Variants in TBCE observed in about 807,000 individuals in gnomAD.
TBCE encodes tubulin-specific chaperone E.
In TBCE, 53 loss-of-function variants were observed where a neutral mutation model predicts 77.0. The ratio of observed to expected loss-of-function variants is 0.69; its 90% CI spans 0.55 to 0.87. The LOEUF is 0.87. Among genes scored for constraint, TBCE ranks in the 40% least tolerant of loss-of-function variants. The pLI is 0.00. For synonymous variants in TBCE, 235 were observed against 241.3 expected (o/e 0.97, Z 0.24); for missense variants, 624 against 622.4 (o/e 1.00, Z -0.03).
rs190888786 is a variant in TBCE at position 235,407,482 on chromosome 1, A to T, written c.185+5895A>T. ...TTGGAGAGCTGGCTAGCAAGCTCTG[A>T]TTGGTGAGTGACAGTGGTGGGTAAG... On this transcript the variant is annotated intron_variant, in intron 3 of 16. Coordinates refer to ENST00000642610, the MANE Select transcript of TBCE (RefSeq NM_003193.5). 9.9e-5 allele frequency among the ~76,000 whole-genome samples: 15 copies of T among 152,272 alleles called. No homozygotes were observed. The East Asian group carries it at 2.7e-3, about 27-fold the overall frequency.
At chr1:235,398,617 G>A (rs1481456979) in intron 2 of TBCE, among the ~76,000 whole-genome samples, 2 of 141,642 alleles carry the variant, frequency 1.4e-5, no homozygotes, top group Non-Finnish European at 3.1e-5. Flanking sequence ...TATTTGTGGT[G>A]TTTTCTTTTT....
Position 235,438,859 on chromosome 1 carries a change from G to C in TBCE, c.1207G>C (p.Glu403Gln). Residue 403 changes from glutamate to glutamine, a missense_variant, in exon 13 of 17, where the codon GAA becomes CAA. Glu to Gln is a conservative substitution (Grantham distance 29, BLOSUM62 2). Coordinates refer to ENST00000642610, the MANE Select transcript of TBCE (RefSeq NM_003193.5). ...WKQAGGHKDP[E>Q]KNRLSEEFLT... ...ACAGGCTGGTGGACATAAGGATCCG[G>C]AAAAAAACAGACTCAGCGAAGAATT... 1 of 1,614,030 alleles carries C rather than the reference G, an allele frequency of 6.2e-7. No individual in the cohort carries two copies. Among genetic ancestry groups the C allele is most frequent in the Non-Finnish European group, 8.5e-7 (1 of 1,180,018 alleles).
intron 3 of TBCE, among the ~76,000 whole-genome samples, chr1:235,410,851 G>A (rs747038127): frequency 1.6e-4 from 25 of 152,198 alleles, no homozygotes; most frequent in Non-Finnish European, 3.1e-4. Context: ...GAGGAGCTCA[G>A]TTCGAAAGCG....
intron 2 of TBCE, among the ~76,000 whole-genome samples, chr1:235,384,059 A>G (rs1447858288): frequency 6.6e-6 from 1 of 150,886 alleles, no homozygotes; most frequent in African/African-American, 2.4e-5. Flanking sequence ...CCTTTTCTGC[A>G]TCTATTGAGA....
chr1:235,374,342 T>C (rs1032031208), intron 1 of TBCE, among the ~76,000 whole-genome samples: 1 of 145,722 alleles, frequency 6.9e-6, no homozygotes, highest in African/African-American at 2.7e-5. Flanking sequence ...GTTCTAGATA[T>C]CGCAATTTAA....
At chr1:235,422,371 G>A (rs1680443000) in intron 5 of TBCE, among the ~76,000 whole-genome samples, 1 of 151,542 alleles carries the variant, frequency 6.6e-6, no homozygotes, top group African/African-American at 2.4e-5. Context: ...AAATTAACTG[G>A]GTATGGTTAC....
Position 235,435,847 on chromosome 1 carries a change from T to A in TBCE, c.833+7T>A, listed in dbSNP as rs565869709. The A allele has an allele frequency of 6.2e-7, 1 of 1,608,484 alleles. No homozygotes were observed. The highest frequency in any genetic ancestry group is 2.2e-5 in the East Asian group (1 of 44,846). Reference sequence around the variant, plus strand: ...TGATAGCCCACCTGCCCAGGTAATTTGCCCCTAAATGCCTGATACAATAGT... The same window carrying A: ...TGATAGCCCACCTGCCCAGGTAATTAGCCCCTAAATGCCTGATACAATAGT... On this transcript the variant is annotated splice_region_variant and intron_variant, in intron 9 of 16. Transcript: ENST00000642610.
chr1:235,398,682 T>C (rs1678897308), intron 2 of TBCE, among the ~76,000 whole-genome samples: 1 of 143,620 alleles, frequency 7.0e-6, no homozygotes, highest in African/African-American at 2.5e-5. Flanking sequence ...GCAGTAGCAC[T>C]ATCTGCAAAT....
chr1:235,417,111 A>G (rs1680153238), intron 4 of TBCE, among the ~76,000 whole-genome samples: 1 of 152,202 alleles, frequency 6.6e-6, no homozygotes, highest in Non-Finnish European at 1.5e-5. Flanking sequence ...TACCACTAAG[A>G]AGAGACTTAC....
rs775726610 is a variant in TBCE, at chr1:235,434,232, G to A, written c.689G>A (p.Gly230Asp). 1.9e-5 allele frequency: 31 copies of A among 1,613,966 alleles called. No individual in the cohort carries two copies. The highest frequency in any genetic ancestry group is 1.7e-5 in the Non-Finnish European group (20 of 1,180,034). Residue 230 changes from glycine to aspartate, a missense_variant, in exon 8 of 17, where the codon GGC becomes GAC. By Grantham distance (94) the Gly-to-Asp change is moderately conservative (BLOSUM62 -1). Coordinates refer to ENST00000642610, the MANE Select transcript of TBCE (RefSeq NM_003193.5). ...EVLRCVAGCP[G>D]LEELYLESNN... Reference sequence around the variant, plus strand: ...CTGCGGTGTGTCGCGGGGTGCCCAGGCCTGGAGGAACTCTACCTTGAGTCT... The same window carrying A: ...CTGCGGTGTGTCGCGGGGTGCCCAGACCTGGAGGAACTCTACCTTGAGTCT...
chr1:235,385,094 C>G (rs1478357598), intron 2 of TBCE, among the ~76,000 whole-genome samples: 3 of 152,104 alleles, frequency 2.0e-5, no homozygotes, highest in African/African-American at 7.2e-5. Flanking sequence ...CATTCAGGAG[C>G]AGGTTGTTCA....
At chr1:235,376,493 G>A (rs892989826) in intron 1 of TBCE, among the ~76,000 whole-genome samples, 1 of 152,082 alleles carries the variant, frequency 6.6e-6, no homozygotes, top group Non-Finnish European at 1.5e-5. Context: ...CCAAGATTTG[G>A]CCTAGTACTT....
At chr1:235,434,370 T>C in intron 8 of TBCE, 90 bp downstream of exon 8, 1 of 1,191,198 alleles carries the variant, frequency 8.4e-7, no homozygotes. Flanking sequence ...CCTTAATTTT[T>C]AGAAGGATTT....
At chr1:235,379,867 G>C (rs1214014091) in intron 1 of TBCE, among the ~76,000 whole-genome samples, 152 bp from the exon 2 acceptor site, 2 of 150,298 alleles carry the variant, frequency 1.3e-5, no homozygotes, top group African/African-American at 2.5e-5. Context: ...AAGAACCCTT[G>C]AGCCTGGAAG....
At chr1:235,371,107 A>T (rs115055584) in intron 1 of TBCE, among the ~76,000 whole-genome samples, 1 of 120,274 alleles carries the variant, frequency 8.3e-6, no homozygotes, top group Admixed American at 1.2e-4. Flanking sequence ...CCCAGGCTAG[A>T]GTGCAATTGC....
chr1:235,392,501 C>T (rs1436301274), intron 2 of TBCE, among the ~76,000 whole-genome samples: 1 of 149,766 alleles, frequency 6.7e-6, no homozygotes, highest in African/African-American at 2.5e-5. Flanking sequence ...ACCTCCGCCT[C>T]CTGGATTCAA....
At chr1:235,387,399 G>GA (rs1303508130) in intron 2 of TBCE, among the ~76,000 whole-genome samples, 3 of 152,234 alleles carry the variant, frequency 2.0e-5, no homozygotes, top group Non-Finnish European at 4.4e-5. Flanking sequence ...CCTGCCCCCA[G>GA]AGGTGGAGCC....
At chr1:235,376,780 C>T (rs1381764490) in intron 1 of TBCE, among the ~76,000 whole-genome samples, 1 of 152,080 alleles carries the variant, frequency 6.6e-6, no homozygotes, top group Non-Finnish European at 1.5e-5. Flanking sequence ...TTGAGACCAG[C>T]CTGGCCCACA....
At chr1:235,416,271 G>A (rs1312732091) in intron 4 of TBCE, 1 of 151,690 alleles carries the variant, frequency 6.6e-6, no homozygotes, top group African/African-American at 2.4e-5. Flanking sequence ...ATGCTTCATA[G>A]GGTTAGAGTT....
Sources: gnomAD v4.1 joint callset for allele counts (sites outside exome capture counted in the v4.1 genomes callset) on GRCh38, gnomAD v4.1.1 for gene constraint, MANE v1.5 for transcripts, NCBI Gene and HGNC (gene_info 2026-07-23, HGNC 2026-07-21) for gene names.